PTPRD: variants seen among roughly 807,000 people sequenced by gnomAD.
The protein encoded by PTPRD is receptor-type tyrosine-protein phosphatase delta.
Under a neutral mutation model 214.5 loss-of-function variants are expected in PTPRD, and 34 were observed. That is an observed-to-expected ratio of 0.16 (90% CI 0.12 to 0.21). PTPRD has a LOEUF of 0.21. PTPRD is among the 10% of genes least tolerant of loss of function. PTPRD has a pLI of 1.00. For synonymous variants in PTPRD, 1,128 were observed against 845.7 expected (o/e 1.33, Z -5.79); for missense variants, 2,545 against 2,398.7 (o/e 1.06, Z -1.27).
chr9:8,919,584 C>T (rs2098810814), intron 11 of PTPRD, among the ~76,000 whole-genome samples: 1 of 152,128 alleles, frequency 6.6e-6, no homozygotes, highest in Non-Finnish European at 1.5e-5. Flanking sequence ...AATGCTGTGT[C>T]ATGCAGAAAC....
intron 4 of PTPRD, among the ~76,000 whole-genome samples, chr9:9,948,997 G>T (rs945053521): frequency 3.9e-5 from 6 of 152,110 alleles, no homozygotes; most frequent in African/African-American, 1.4e-4. Context: ...GCATGGGGGG[G>T]CCTAAGATTT....
At chr9:8,957,753 G>A (rs369621006) in intron 11 of PTPRD, among the ~76,000 whole-genome samples, 3 of 151,952 alleles carry the variant, frequency 2.0e-5, no homozygotes, top group African/African-American at 7.2e-5. Flanking sequence ...TGATTAAATG[G>A]CACAGAGCTT....
intron 37 of PTPRD, among the ~76,000 whole-genome samples, chr9:8,385,447 T>C (rs2086639584): frequency 6.6e-6 from 1 of 152,090 alleles, no homozygotes; most frequent in Admixed American, 6.5e-5. Context: ...CCAGAAATGT[T>C]AGATTACAGT....
At chr9:9,960,547 G>C (rs2094290659) in intron 4 of PTPRD, among the ~76,000 whole-genome samples, 1 of 152,094 alleles carries the variant, frequency 6.6e-6, no homozygotes, top group Non-Finnish European at 1.5e-5. Context: ...GTATCAATAT[G>C]ATAGCATGAT....
At chr9:10,126,946 C>CTTTTTTTTTTTTTTT (rs34691762) in intron 3 of PTPRD, among the ~76,000 whole-genome samples, 31 of 130,570 alleles carry the variant, frequency 2.4e-4, no homozygotes, top group African/African-American at 9.8e-4. Flanking sequence ...CTCAAATGGA[C>CTTTTTTTTTTTTTTT]TTTTTTTTTT....
intron 10 of PTPRD, among the ~76,000 whole-genome samples, chr9:9,031,513 T>C (rs1367604225): frequency 1.3e-5 from 2 of 152,038 alleles, no homozygotes; most frequent in African/African-American, 4.8e-5. Flanking sequence ...TAAACATATA[T>C]AACCATAGAG....
chr9:9,287,874 G>A (rs1480133502), intron 9 of PTPRD, among the ~76,000 whole-genome samples: 1 of 151,424 alleles, frequency 6.6e-6, no homozygotes, highest in Non-Finnish European at 1.5e-5. Context: ...AAACATACCA[G>A]TAAAAATGAG....
At chr9:8,964,521 G>C (rs963506447) in intron 11 of PTPRD, among the ~76,000 whole-genome samples, 1 of 151,714 alleles carries the variant, frequency 6.6e-6, no homozygotes, top group African/African-American at 2.4e-5. Flanking sequence ...TGGTTTCATT[G>C]ATTCTTTTTA....
intron 11 of PTPRD, among the ~76,000 whole-genome samples, chr9:8,906,693 C>T (rs932228112): frequency 1.3e-5 from 2 of 152,058 alleles, no homozygotes; most frequent in African/African-American, 4.8e-5. Flanking sequence ...CTCCCTTCCA[C>T]CTTCCTCTGC....
intron 11 of PTPRD, among the ~76,000 whole-genome samples, chr9:8,984,601 G>A (rs2099329856): frequency 6.6e-6 from 1 of 152,062 alleles, no homozygotes; most frequent in African/African-American, 2.4e-5. Flanking sequence ...TTTTTCTTCT[G>A]ACTTCTCAGG....
chr9:8,925,342 G>C (rs1374857756), intron 11 of PTPRD, among the ~76,000 whole-genome samples: 1 of 151,910 alleles, frequency 6.6e-6, no homozygotes, highest in South Asian at 2.1e-4. Context: ...TGCAGGGGAA[G>C]GTACATTCTC....
At chr9:10,094,954 A>C (rs1204422576) in intron 3 of PTPRD, among the ~76,000 whole-genome samples, 2 of 151,500 alleles carry the variant, frequency 1.3e-5, no homozygotes, top group Non-Finnish European at 3.0e-5. Context: ...GGTTTCTCAC[A>C]CTTTAAAATG....
At chr9:10,237,620 A>G (rs2099633312) in intron 3 of PTPRD, among the ~76,000 whole-genome samples, 2 of 151,932 alleles carry the variant, frequency 1.3e-5, no homozygotes, top group South Asian at 2.1e-4. Context: ...TTTAAGTACT[A>G]TAGTGCCTAA....
At position 9,112,232 on chromosome 9, in the gene PTPRD, G is replaced by T. The variant is rs1193215849; in HGVS notation, c.-143+71072C>A. On this transcript the variant is annotated intron_variant, in intron 10 of 45. Coordinates refer to ENST00000381196, the MANE Select transcript of PTPRD (RefSeq NM_002839.4). Reference sequence around the variant, plus strand: ...GTCTACATTTCCAGCATCTCACTGGGTGCCCTCCTCTAGCTAATAACTTGC... The same window carrying T: ...GTCTACATTTCCAGCATCTCACTGGTTGCCCTCCTCTAGCTAATAACTTGC... Among the ~76,000 whole-genome samples, 4 of 152,216 alleles carry T rather than the reference G, an allele frequency of 2.6e-5. 1 individual carries two copies. In the Middle Eastern group the frequency reaches 0.01, roughly 391 times the overall value.
chr9:8,800,370 C>G lies in PTPRD; in HGVS notation c.-103-66424G>C, dbSNP rs116306062. ...TGCTGAGAACTACTGGGCTAAATTC[C>G]CAGACAGTGAAGGCATTCTAAGTCA... On this transcript the variant is annotated intron_variant, in intron 11 of 45. Coordinates refer to ENST00000381196, the MANE Select transcript of PTPRD (RefSeq NM_002839.4). 5.3e-3 allele frequency among the ~76,000 whole-genome samples: 811 copies of G among 152,188 alleles called. 8 individuals are homozygous for G. Among genetic ancestry groups the G allele is most frequent in the African/African-American group, 0.018 (744 of 41,522 alleles).
chr9:9,703,362 A>G (rs1256050558), intron 7 of PTPRD, among the ~76,000 whole-genome samples: 1 of 152,184 alleles, frequency 6.6e-6, no homozygotes, highest in African/African-American at 2.4e-5. Context: ...TACAATTATC[A>G]AAACTCAAAC....
intron 4 of PTPRD, among the ~76,000 whole-genome samples, chr9:9,969,085 C>G (rs999664288): frequency 3.9e-5 from 6 of 152,044 alleles, no homozygotes; most frequent in African/African-American, 9.7e-5. Flanking sequence ...GTCTTTGGTC[C>G]TACGAAAGCA....
chr9:9,747,969 C>G (rs772051612), intron 6 of PTPRD, among the ~76,000 whole-genome samples: 1 of 152,114 alleles, frequency 6.6e-6, no homozygotes, highest in Non-Finnish European at 1.5e-5. Flanking sequence ...ACTGTCCATG[C>G]AATGTTGTGA....
At chr9:10,551,179 C>T (rs1171012541) in intron 2 of PTPRD, among the ~76,000 whole-genome samples, 1 of 151,854 alleles carries the variant, frequency 6.6e-6, no homozygotes, top group Non-Finnish European at 1.5e-5. Flanking sequence ...TGCAAAGAAA[C>T]CTTAAAAAAA....
Sources: allele counts gnomAD v4.1 joint callset (sites outside exome capture counted in the v4.1 genomes callset), GRCh38; gene constraint gnomAD v4.1.1; transcripts MANE v1.5; gene names NCBI Gene and HGNC (gene_info 2026-07-23, HGNC 2026-07-21).